ADCY6: variants seen among roughly 807,000 people sequenced by gnomAD.
ADCY6 encodes adenylate cyclase type 6.
In ADCY6, 59 loss-of-function variants were observed where a neutral mutation model predicts 111.6. The ratio of observed to expected loss-of-function variants is 0.53; its 90% CI spans 0.43 to 0.66. The LOEUF is 0.66. ADCY6 is among the 30% of genes least tolerant of loss of function. The pLI is 0.00. For missense variants in ADCY6, 1,242 were observed against 1,595.6 expected, an observed-to-expected ratio of 0.78 and a Z score of 3.78; for synonymous variants, 576 against 642.9, an observed-to-expected ratio of 0.90 and a Z score of 1.57.
chr12:48,780,529 T>C (rs1355995461), intron 2 of ADCY6, among the ~76,000 whole-genome samples: 1 of 152,160 alleles, frequency 6.6e-6, no homozygotes, highest in African/African-American at 2.4e-5. Context: ...GCCCCAAGAA[T>C]GTGCCTATCG....
chr12:48,773,880 C>G (rs187643577), intron 15 of ADCY6, 60 bp downstream of exon 15: 265 of 1,590,038 alleles, frequency 1.7e-4, no homozygotes, highest in East Asian at 8.4e-4. Flanking sequence ...AGGCCTGGCA[C>G]AGAAGGGCCA....
Position 48,783,410 on chromosome 12 carries a change from C to A in ADCY6, c.25G>T (p.Val9Phe). 1.9e-6 allele frequency: 3 copies of A among 1,614,198 alleles called. No individual in the cohort carries two copies. The highest frequency in any genetic ancestry group is 2.5e-6 in the Non-Finnish European group (3 of 1,180,030). The change falls in exon 2 of 22, where the codon GTC becomes TTC. Residue 9 changes from valine (V) to phenylalanine (F), a missense_variant. By Grantham distance (50) the Val-to-Phe change is conservative. This residue lies in a region of ADCY6 where 362 missense variants were observed against 377.2 expected (regional missense o/e 0.96). Coordinates refer to ENST00000357869, the MANE Select transcript of ADCY6 (RefSeq NM_015270.5). The part of the protein sequence containing the change: MSWFSGLL[V>F]PKVDERKTAW... ...GTTTTCCGTTCATCCACTTTAGGGA[C>A]CAGGAGGCCACTAAACCATGACATG... is the stretch of plus-strand genomic sequence containing the variant.
chr12:48,777,577 C>A lies in ADCY6; in HGVS notation c.1136+38G>T, dbSNP rs776413504. 93 of 1,612,686 alleles carry A rather than the reference C, an allele frequency of 5.8e-5. No homozygotes were observed. Among genetic ancestry groups the A allele is most frequent in the Non-Finnish European group, 6.6e-5 (78 of 1,179,916 alleles). On this transcript the variant is annotated intron_variant, in intron 4 of 21. Transcript: ENST00000357869. The surrounding 1 kb of genome is among the most constrained non-coding windows in gnomAD (Gnocchi z 4.9). ...ACATAGCCCTCAAAGACTTCCAGAC[C>A]CCCCGCCCTGCTGGGCATCCTCCTA...
chr12:48,781,025 T>C (rs1301014244), intron 2 of ADCY6, among the ~76,000 whole-genome samples: 4 of 151,918 alleles, frequency 2.6e-5, no homozygotes, highest in African/African-American at 9.7e-5. Context: ...ATGGTGAAAC[T>C]TGTCTCTACT....
At chr12:48,772,897 A>C (rs902192831) in intron 16 of ADCY6, among the ~76,000 whole-genome samples, 2 of 152,202 alleles carry the variant, frequency 1.3e-5, no homozygotes, top group African/African-American at 4.8e-5. Context: ...TAATCTTTAC[A>C]ACTACCCTGT....
At chr12:48,768,761 G>A (rs1458743655) in intron 21 of ADCY6, 45 bp from the exon 22 acceptor site, 2 of 1,603,822 alleles carry the variant, frequency 1.2e-6, no homozygotes, top group African/African-American at 1.3e-5. Flanking sequence ...AATCCTTCCT[G>A]CTGCATTTGC....
chr12:48,777,177 C>T lies in ADCY6; in HGVS notation c.1303G>A (p.Gly435Arg). 1 of 1,614,068 alleles carries T rather than the reference C, an allele frequency of 6.2e-7. No individual in the cohort carries two copies. Among genetic ancestry groups the T allele is most frequent in the Non-Finnish European group, 8.5e-7 (1 of 1,179,988 alleles). The change falls in exon 6 of 22, where the codon GGG becomes AGG. Residue 435 changes from glycine to arginine, a missense_variant. Transcript: ENST00000357869. This position sits in a 1 kb window ranked among gnomAD's most constrained non-coding sequence, Gnocchi z 4.9. The part of the protein sequence containing the change: ...ILGDCYYCVS[G>R]LPEARADHAH... ...TGGTCGGCCCGGGCCTCCGGCAGCC[C>T]TGACACACAGTAGTAACAGTCCCCC...
chr12:48,784,841 T>C (rs1941950686), intron 1 of ADCY6, among the ~76,000 whole-genome samples: 1 of 151,790 alleles, frequency 6.6e-6, no homozygotes, highest in Non-Finnish European at 1.5e-5. Context: ...ATTTTTTCTA[T>C]TTTTTAGTAG....
chr12:48,772,571 C>A (rs767019570), intron 16 of ADCY6, 28 bp from the exon 17 acceptor site: 115 of 1,613,768 alleles, frequency 7.1e-5, no homozygotes, highest in Non-Finnish European at 9.3e-5. Flanking sequence ...GAGACAAAGT[C>A]ATCAGTGCTT....
Position 48,775,583 on chromosome 12 carries a change from TC to T in ADCY6, c.1832+89del. 3 of 1,582,530 alleles carry T rather than the reference TC, an allele frequency of 1.9e-6. 1 individual carries two copies. In the South Asian group the frequency reaches 3.3e-5, roughly 18 times the overall value. On this transcript the variant is annotated intron_variant, in intron 10 of 21. Coordinates refer to ENST00000357869, the MANE Select transcript of ADCY6 (RefSeq NM_015270.5). ...GGTGGCTCCTGCTCCCACACAACAC[TC>T]CTAAGGTCAGGGAAAAGGAGGATCT...
intron 11 of ADCY6, 52 bp from the exon 12 acceptor site, chr12:48,775,106 G>T (rs1941660700): frequency 1.3e-6 from 2 of 1,489,454 alleles, no homozygotes; most frequent in Non-Finnish European, 1.8e-6. Context: ...AGGAAGGCAG[G>T]GACAGCAAGG....
At chr12:48,775,481 G>C in intron 10 of ADCY6, 31 bp from the exon 11 acceptor site, 7 of 1,612,904 alleles carry the variant, frequency 4.3e-6, no homozygotes, top group Non-Finnish European at 5.9e-6. Flanking sequence ...TTCACCAGTT[G>C]CATGGGCATG....
Position 48,772,401 on chromosome 12 carries a change from A to C in ADCY6, c.2681T>G (p.Leu894Arg), listed in dbSNP as rs762385352. Reference sequence around the variant, plus strand: ...CAGAATCACAGGGGTCATATATTTGAGGGCCACCCTCCCTGCAGCTGGACT... The same window carrying C: ...CAGAATCACAGGGGTCATATATTTGCGGGCCACCCTCCCTGCAGCTGGACT... ...LDCPAAGRVALKYMTPVILLV... is the reference protein window; with the variant it reads ...LDCPAAGRVARKYMTPVILLV... The change falls in exon 18 of 22, where the codon CTC (leucine) becomes CGC (arginine). Residue 894 changes from leucine to arginine, a missense_variant. Physicochemically the swap from Leu to Arg is moderately radical, Grantham distance 102. This residue lies in a region of ADCY6 where 245 missense variants were observed against 371.3 expected (regional missense o/e 0.66). Transcript: ENST00000357869. 7 of 1,614,166 alleles carry C rather than the reference A, an allele frequency of 4.3e-6. No individual in the cohort carries two copies. The South Asian group carries it at 6.6e-5, about 15-fold the overall frequency.
chr12:48,777,258 G>A lies in ADCY6; in HGVS notation c.1249-27C>T. On this transcript the variant is annotated intron_variant, in intron 5 of 21. Coordinates refer to ENST00000357869, the MANE Select transcript of ADCY6 (RefSeq NM_015270.5). The surrounding 1 kb of genome is among the most constrained non-coding windows in gnomAD (Gnocchi z 4.9). ...TGAATGGGAAGGAATTGGAGGGAAG[G>A]GTAACCTTTACTCTCTTGCCCACCC... is the stretch of plus-strand genomic sequence containing the variant. 6.8e-6 allele frequency: 11 copies of A among 1,606,690 alleles called. No homozygotes were observed. Among genetic ancestry groups the A allele is most frequent in the Middle Eastern group, 1.7e-4 (1 of 6,042 alleles).
rs1261601401 is a variant in ADCY6 at position 48,771,947 on chromosome 12, C to T, written c.2814G>A (p.Glu938=). Residue 938 remains glutamate (E), a synonymous_variant, in exon 19 of 22, where the codon GAG becomes GAA. Transcript: ENST00000357869. This position sits in a 1 kb window ranked among gnomAD's most constrained non-coding sequence, Gnocchi z 4.3. ...LQATGEKEEM[E]ELQAYNRRLL... ...GCCTCCGGTTGTATGCCTGTAGCTC[C>T]TCCATCTCCTCCTTCTCCCCTGTTG... The T allele has an allele frequency of 1.2e-6, 2 of 1,612,758 alleles. No individual in the cohort carries two copies. Among genetic ancestry groups the T allele is most frequent in the African/African-American group, 2.7e-5 (2 of 75,072 alleles).
At chr12:48,787,475 G>C (rs1483034909) in intron 1 of ADCY6, among the ~76,000 whole-genome samples, 1 of 152,110 alleles carries the variant, frequency 6.6e-6, no homozygotes, top group East Asian at 1.9e-4. Context: ...ATCCCACCCT[G>C]GGCTCCACTC....
Position 48,782,791 on chromosome 12 carries a change from A to G in ADCY6, c.644T>C (p.Val215Ala). 6.2e-7 allele frequency: 1 copy of G among 1,613,712 alleles called. No homozygotes were observed. Among genetic ancestry groups the G allele is most frequent in the Middle Eastern group, 1.6e-4 (1 of 6,062 alleles). Residue 215 changes from valine (V) to alanine (A), a missense_variant, in exon 2 of 22, where the codon GTG becomes GCG. Val to Ala is a moderately conservative substitution (Grantham distance 64, BLOSUM62 0). Around this residue, in one of 4 missense-constraint regions of ADCY6, gnomAD observed 362 missense variants for 377.2 expected, o/e 0.96. Coordinates refer to ENST00000357869, the MANE Select transcript of ADCY6 (RefSeq NM_015270.5). The surrounding 1 kb of genome is among the most constrained non-coding windows in gnomAD (Gnocchi z 4.3). ...QDSMWVVSYV[V>A]LGILAAVQVG... is the part of the protein sequence containing the mutation. ...CTGCACTGCCGCCAGGATGCCCAGC[A>G]CCACGTAGCTCACCACCCACATGGA...
At chr12:48,769,944 G>A (rs1036571193) in intron 20 of ADCY6, among the ~76,000 whole-genome samples, 1 of 151,814 alleles carries the variant, frequency 6.6e-6, no homozygotes, top group South Asian at 2.1e-4. Flanking sequence ...TGTATTTTTA[G>A]TAGAGACGGA....
rs887458778 is a variant in ADCY6 at position 48,767,550 on chromosome 12, G to C, written c.*1041C>G. The C allele has an allele frequency of 6.5e-6, 1 of 152,838 alleles. No individual in the cohort carries two copies. The allele number at this position is 152,838 out of a possible 1,614,324, so 9.5% of individuals were successfully genotyped here. On this transcript the variant is annotated 3_prime_UTR_variant, in exon 22 of 22. Coordinates refer to ENST00000357869, the MANE Select transcript of ADCY6 (RefSeq NM_015270.5). ...ACACAAAGACCAACATGCACACACA[G>C]TTACACAAACACACGGGCCCTCCCC...
Sources: allele counts gnomAD v4.1 joint callset (sites outside exome capture counted in the v4.1 genomes callset), GRCh38; gene constraint gnomAD v4.1.1; regional missense constraint gnomAD v4.1.1; non-coding constraint Gnocchi (gnomAD v3.1); transcripts MANE v1.5; gene names NCBI Gene and HGNC (gene_info 2026-07-23, HGNC 2026-07-21).